The following PTPRG variants were observed in gnomAD, a reference collection of about 807,000 sequenced individuals.
The protein encoded by PTPRG is receptor-type tyrosine-protein phosphatase gamma.
In PTPRG, 102 loss-of-function variants were observed where a neutral mutation model predicts 165.3. That is an observed-to-expected ratio of 0.62 (90% CI 0.53 to 0.73). The LOEUF is 0.73. Ranked by LOEUF, PTPRG falls within the 30% of genes least tolerant of loss-of-function variation. The pLI, the probability that PTPRG is intolerant of heterozygous loss-of-function variation, is 0.00. For synonymous variants in PTPRG, 675 were observed against 669.5 expected, an observed-to-expected ratio of 1.01 and a Z score of -0.13; for missense variants, 1,866 against 1,861.4, an observed-to-expected ratio of 1.00 and a Z score of -0.05.
chr3:61,960,279 A>G (rs1472572507), intron 2 of PTPRG, among the ~76,000 whole-genome samples: 1 of 151,176 alleles, frequency 6.6e-6, no homozygotes, highest in Non-Finnish European at 1.5e-5. Flanking sequence ...TTAATGTGCA[A>G]CTGTCTGGCT....
chr3:61,880,251 A>G lies in PTPRG; in HGVS notation c.191-109374A>G, dbSNP rs545908318. 1.2e-3 allele frequency among the ~76,000 whole-genome samples: 189 copies of G among 152,342 alleles called. 2 individuals are homozygous for G. Among genetic ancestry groups the G allele is most frequent in the Middle Eastern group, 3.4e-3 (1 of 294 alleles). On this transcript the variant is annotated intron_variant, in intron 2 of 29. Coordinates refer to ENST00000474889, the MANE Select transcript of PTPRG (RefSeq NM_002841.4). ...GGCTGACAGATTAAGAAATTGACAA[A>G]TGTAAAATTTTTAGACTATCTCCCC...
intron 2 of PTPRG, among the ~76,000 whole-genome samples, chr3:61,837,113 A>G (rs2107316561): frequency 6.6e-6 from 1 of 152,288 alleles, no homozygotes; most frequent in South Asian, 2.1e-4. Context: ...GGGTTTTATC[A>G]TATTGGCCAC....
chr3:61,996,503 G>C (rs1028090324), intron 3 of PTPRG, among the ~76,000 whole-genome samples: 1 of 152,136 alleles, frequency 6.6e-6, no homozygotes, highest in Non-Finnish European at 1.5e-5. Context: ...CCAAGCTTCT[G>C]ATTAAGAGCA....
At chr3:62,287,734 G>GAGAGATTTGAATACCACAGTTAACA (rs1186086527) in intron 28 of PTPRG, among the ~76,000 whole-genome samples, 3 of 152,182 alleles carry the variant, frequency 2.0e-5, no homozygotes, top group Admixed American at 2.0e-4. Context: ...GTAGCATTCA[G>GAGAGATTTGAATACCACAGTTAACA]AGAGATTTGA....
intron 1 of PTPRG, among the ~76,000 whole-genome samples, chr3:61,743,665 A>G (rs2033089148): frequency 6.6e-6 from 1 of 152,120 alleles, no homozygotes; most frequent in East Asian, 1.9e-4. Context: ...AAGTCCTCCT[A>G]AGCTTTTCAC....
At chr3:61,858,877 A>G (rs2037185203) in intron 2 of PTPRG, among the ~76,000 whole-genome samples, 1 of 152,060 alleles carries the variant, frequency 6.6e-6, no homozygotes, top group Non-Finnish European at 1.5e-5. Flanking sequence ...TTTATTACAA[A>G]CTCCTTTTAA....
chr3:61,736,093 A>C (rs2032711447), intron 1 of PTPRG, among the ~76,000 whole-genome samples: 1 of 151,972 alleles, frequency 6.6e-6, no homozygotes. Context: ...ATTTTAGTAG[A>C]GATGGGGTTT....
intron 2 of PTPRG, among the ~76,000 whole-genome samples, chr3:61,791,066 C>G (rs146216455): frequency 6.6e-6 from 1 of 152,018 alleles, no homozygotes; most frequent in Non-Finnish European, 1.5e-5. Context: ...CAATGGTTGC[C>G]GTGTTGCTAA....
intron 2 of PTPRG, among the ~76,000 whole-genome samples, chr3:61,774,354 G>A (rs760392235): frequency 4.5e-4 from 69 of 152,152 alleles, no homozygotes; most frequent in Non-Finnish European, 2.1e-4. Flanking sequence ...TTTTGCAGAC[G>A]ATTGCATGAA....
chr3:61,916,929 A>G (rs2038952376), intron 2 of PTPRG, among the ~76,000 whole-genome samples: 1 of 152,202 alleles, frequency 6.6e-6, no homozygotes, highest in Non-Finnish European at 1.5e-5. Flanking sequence ...GAAAATGTCA[A>G]AATAATAAGT....
rs569261467 is a variant in PTPRG at position 61,809,386 on chromosome 3, C to G, written c.190+60404C>G. Among the ~76,000 whole-genome samples, 9 of 152,094 alleles carry G rather than the reference C, an allele frequency of 5.9e-5. No individual in the cohort carries two copies. The South Asian group carries it at 1.9e-3, about 32-fold the overall frequency. On this transcript the variant is annotated intron_variant, in intron 2 of 29. Transcript: ENST00000474889. The stretch of plus-strand genomic sequence containing the variant: ...TTGAGGGGAGACATTGCCCATGAAA[C>G]AGTTTTCTGAGCTGAGCCCAGAAGA...
intron 1 of PTPRG, among the ~76,000 whole-genome samples, chr3:61,655,491 C>T (rs1170794446): frequency 2.0e-5 from 3 of 152,138 alleles, no homozygotes; most frequent in Admixed American, 1.3e-4. Context: ...ATAATTGACA[C>T]ATCTCAGTCA....
intron 15 of PTPRG, among the ~76,000 whole-genome samples, chr3:62,248,843 G>A (rs1701348141): frequency 6.6e-6 from 1 of 152,140 alleles, no homozygotes; most frequent in Non-Finnish European, 1.5e-5. Flanking sequence ...TAGAAATTCA[G>A]AAATGATTCA....
chr3:62,244,469 G>C (rs1016668346), intron 15 of PTPRG, among the ~76,000 whole-genome samples: 2 of 152,160 alleles, frequency 1.3e-5, no homozygotes, highest in African/African-American at 4.8e-5. Context: ...GGGATTTGAA[G>C]ATCTCACCCA....
At chr3:61,936,287 G>C (rs1167217269) in intron 2 of PTPRG, among the ~76,000 whole-genome samples, 1 of 152,220 alleles carries the variant, frequency 6.6e-6, no homozygotes, top group African/African-American at 2.4e-5. Context: ...CTGTGGGACA[G>C]GTACTAGTTC....
chr3:62,257,897 G>A (rs1484516537), intron 16 of PTPRG, among the ~76,000 whole-genome samples: 1 of 152,118 alleles, frequency 6.6e-6, no homozygotes, highest in Non-Finnish European at 1.5e-5. Flanking sequence ...CCAGGATATT[G>A]AGGCTGCAGT....
intron 28 of PTPRG, among the ~76,000 whole-genome samples, chr3:62,291,376 A>G (rs924338158): frequency 4.0e-4 from 61 of 152,068 alleles, no homozygotes; most frequent in African/African-American, 1.4e-3. Context: ...GCACAAATTC[A>G]AACAAGCTAA....
chr3:62,005,557 C>G (rs1389410485), intron 4 of PTPRG, among the ~76,000 whole-genome samples: 7 of 152,070 alleles, frequency 4.6e-5, no homozygotes, highest in Non-Finnish European at 5.9e-5. Context: ...AGATGGCTAC[C>G]TTGGAAAAGA....
chr3:61,594,942 T>G (rs1056870256), intron 1 of PTPRG, among the ~76,000 whole-genome samples: 3 of 151,938 alleles, frequency 2.0e-5, no homozygotes, highest in Non-Finnish European at 4.4e-5. Flanking sequence ...TTACAATTAG[T>G]GCACTGATTT....
Sources: allele counts gnomAD v4.1 joint callset (sites outside exome capture counted in the v4.1 genomes callset), GRCh38; gene constraint gnomAD v4.1.1; transcripts MANE v1.5; gene names NCBI Gene and HGNC (gene_info 2026-07-23, HGNC 2026-07-21).